The following CATSPERG variants were observed in gnomAD, a reference collection of about 807,000 sequenced individuals.
The protein encoded by CATSPERG is cation channel sperm-associated auxiliary subunit gamma.
A neutral mutation model predicts 145.0 loss-of-function variants in CATSPERG; 115 were observed. The ratio of observed to expected loss-of-function variants is 0.79; its 90% CI spans 0.68 to 0.93. CATSPERG has a LOEUF of 0.93. Among genes scored for constraint, CATSPERG ranks in the 40% least tolerant of loss-of-function variants. CATSPERG has a pLI of 0.00. For synonymous variants in CATSPERG, 588 were observed against 589.0 expected, an observed-to-expected ratio of 1.00 and a Z score of 0.02; for missense variants, 1,296 against 1,490.1, an observed-to-expected ratio of 0.87 and a Z score of 2.14.
intron 10 of CATSPERG, 53 bp downstream of exon 10, chr19:38,356,596 C>G (rs1970247695): frequency 1.3e-6 from 2 of 1,598,752 alleles, no homozygotes; most frequent in Admixed American, 3.4e-5. Context: ...ACTGAGGATG[C>G]AGAAGAGCAG....
At chr19:38,351,581 C>A (rs1246594148) in intron 7 of CATSPERG, among the ~76,000 whole-genome samples, 2 of 149,878 alleles carry the variant, frequency 1.3e-5, no homozygotes, top group Non-Finnish European at 3.0e-5. Context: ...GCACTCCAGC[C>A]TGGGTGACAG....
intron 27 of CATSPERG, 22 bp from the exon 28 acceptor site, chr19:38,370,137 G>C (rs962153733): frequency 8.0e-5 from 129 of 1,613,424 alleles, no homozygotes; most frequent in Non-Finnish European, 8.6e-5. Context: ...TCTAATCCTG[G>C]ATCCCCTCCC....
chr19:38,345,133 G>A (rs1028507218), intron 6 of CATSPERG, among the ~76,000 whole-genome samples: 21 of 150,190 alleles, frequency 1.4e-4, no homozygotes, highest in South Asian at 2.1e-4. Context: ...TTGCTGTGTC[G>A]CCCAGGCTAG....
chr19:38,362,832 G>T lies in CATSPERG; in HGVS notation c.2475G>T (p.Ser825=), dbSNP rs766286728. 8 of 1,592,960 alleles carry T rather than the reference G, an allele frequency of 5.0e-6. No individual in the cohort carries two copies. In the African/African-American group the frequency reaches 9.4e-5, roughly 19 times the overall value. The part of the protein sequence containing the change: ...VLINRNSVLF[S]ITLKDKKLCY... ...TTAATCGCAACTCGGTGCTATTTTC[G>T]GTGAGGCCCCCCGGGGAGTTGGGAT... The change falls in exon 20 of 29, where the codon TCG becomes TCT. Residue 825 remains serine, a splice_region_variant and synonymous_variant. Coordinates refer to ENST00000409235, the MANE Select transcript of CATSPERG (RefSeq NM_021185.5).
intron 6 of CATSPERG, among the ~76,000 whole-genome samples, chr19:38,344,923 T>TTTTTA: frequency 7.6e-6 from 1 of 131,256 alleles, no homozygotes; most frequent in Non-Finnish European, 1.7e-5. Context: ...TTTTTTTTTT[T>TTTTTA]TGAGACGGGG....
intron 8 of CATSPERG, 48 bp from the exon 9 acceptor site, chr19:38,354,662 C>T (rs776616359): frequency 1.2e-6 from 2 of 1,602,060 alleles, no homozygotes; most frequent in African/African-American, 2.7e-5. Flanking sequence ...GGGGCAGAGG[C>T]CCCAGATCCA....
chr19:38,341,958 C>T (rs1969945401), intron 3 of CATSPERG, among the ~76,000 whole-genome samples: 1 of 151,532 alleles, frequency 6.6e-6, no homozygotes, highest in Admixed American at 6.6e-5. Context: ...TACCTGTAGT[C>T]CCAGCTATTT....
At position 38,352,272 on chromosome 19, in the gene CATSPERG, C is replaced by T; in HGVS notation, c.837C>T (p.Asp279=). 1 of 1,551,546 alleles carries T rather than the reference C, an allele frequency of 6.4e-7. No individual in the cohort carries two copies. Among genetic ancestry groups the T allele is most frequent in the Non-Finnish European group, 8.7e-7 (1 of 1,147,058 alleles). ...KDFSLVELSI[D]SCWVGSFYCP... ...CTGCTCCCCTGCAGCTGAGCATTGACAGTTGCTGGGTGGGCTCCTTCTACT... is the reference window on the plus strand; with the variant it reads ...CTGCTCCCCTGCAGCTGAGCATTGATAGTTGCTGGGTGGGCTCCTTCTACT... Residue 279 remains aspartate (D), a synonymous_variant, in exon 8 of 29, where the codon GAC becomes GAT. Coordinates refer to ENST00000409235, the MANE Select transcript of CATSPERG (RefSeq NM_021185.5).
intron 6 of CATSPERG, among the ~76,000 whole-genome samples, chr19:38,345,139 G>T (rs952865621): frequency 6.6e-6 from 1 of 151,580 alleles, no homozygotes; most frequent in Non-Finnish European, 1.5e-5. Flanking sequence ...TGTCGCCCAG[G>T]CTAGAGTGCA....
intron 23 of CATSPERG, 90 bp from the exon 24 acceptor site, chr19:38,367,419 T>C: frequency 6.4e-7 from 1 of 1,559,548 alleles, no homozygotes; most frequent in East Asian, 2.2e-5. Flanking sequence ...CCCTTTTTCC[T>C]GCGGCATCTC....
rs764671729 is a variant in CATSPERG, at chr19:38,360,476, G to T, written c.1609-13G>T. 2 of 1,613,812 alleles carry T rather than the reference G, an allele frequency of 1.2e-6. No homozygotes were observed. Among genetic ancestry groups the T allele is most frequent in the South Asian group, 2.2e-5 (2 of 91,074 alleles). On this transcript the variant is annotated splice_polypyrimidine_tract_variant and intron_variant, in intron 14 of 28. Coordinates refer to ENST00000409235, the MANE Select transcript of CATSPERG (RefSeq NM_021185.5). Reference sequence around the variant, plus strand: ...GGTCCTGACACACACACATCCGGCTGTCATACCCGCAGATCTGGTACCTCC... The same window carrying T: ...GGTCCTGACACACACACATCCGGCTTTCATACCCGCAGATCTGGTACCTCC...
At chr19:38,360,423 A>G in intron 14 of CATSPERG, 66 bp from the exon 15 acceptor site, 2 of 1,595,016 alleles carry the variant, frequency 1.3e-6, no homozygotes, top group East Asian at 4.5e-5. Context: ...CACTGGGCAG[A>G]GGGTGAGGTG....
At chr19:38,338,395 G>T (rs151202624) in intron 3 of CATSPERG, among the ~76,000 whole-genome samples, 1 of 152,058 alleles carries the variant, frequency 6.6e-6, no homozygotes, top group Non-Finnish European at 1.5e-5. Flanking sequence ...TGATCCGCCC[G>T]CCTCGGCCTC....
At chr19:38,349,743 C>A (rs1970104702) in intron 7 of CATSPERG, 1 of 152,300 alleles carries the variant, frequency 6.6e-6, no homozygotes, top group African/African-American at 2.4e-5. Context: ...TGGCTTACTG[C>A]AACCTCTGCC....
intron 1 of CATSPERG, 139 bp from the exon 2 acceptor site, chr19:38,337,058 AGCAGGGGCGGGACCAAGAGCAAGT>A (rs1249436074): frequency 9.9e-6 from 8 of 808,056 alleles, no homozygotes; most frequent in South Asian, 3.5e-5. Context: ...CAGGAGCAAG[AGCAGGGGCGGGACCAAGAGCAAGT>A]GCAGGGGCGG....
intron 3 of CATSPERG, among the ~76,000 whole-genome samples, chr19:38,343,227 C>T (rs1214733370): frequency 6.6e-6 from 1 of 152,126 alleles, no homozygotes; most frequent in Non-Finnish European, 1.5e-5. Flanking sequence ...CTGGGTGCCA[C>T]ATCCCTCCCA....
intron 11 of CATSPERG, among the ~76,000 whole-genome samples, chr19:38,357,166 C>T (rs987272507): frequency 6.6e-6 from 1 of 152,112 alleles, no homozygotes; most frequent in African/African-American, 2.4e-5. Flanking sequence ...GGTCCTGTGC[C>T]TTAACAGGAC....
At chr19:38,352,229 C>A in intron 7 of CATSPERG, 32 bp from the exon 8 acceptor site, 2 of 1,548,416 alleles carry the variant, frequency 1.3e-6, no homozygotes, top group South Asian at 2.4e-5. Flanking sequence ...GCCAAGGCCA[C>A]CTGCTCACCA....
chr19:38,347,020 GGACAACATAGTGA>G (rs2145074579), intron 7 of CATSPERG, among the ~76,000 whole-genome samples: 1 of 152,202 alleles, frequency 6.6e-6, no homozygotes, highest in Non-Finnish European at 1.5e-5. Flanking sequence ...AGACCAGCCT[GGACAACATAGTGA>G]GACCCCATCT....
Sources: gnomAD v4.1 joint callset for allele counts (sites outside exome capture counted in the v4.1 genomes callset) on GRCh38, gnomAD v4.1.1 for gene constraint, MANE v1.5 for transcripts, NCBI Gene and HGNC (gene_info 2026-07-23, HGNC 2026-07-21) for gene names.